The following PEX7 variants were observed in gnomAD, a reference collection of about 807,000 sequenced individuals.
The protein encoded by PEX7 is peroxisomal biogenesis factor 7, also known as PTS2 receptor.
In PEX7, 34 loss-of-function variants were observed where a neutral mutation model predicts 47.5. The observed-to-expected ratio is 0.72, with a 90% confidence interval of 0.54 to 0.95. The LOEUF is 0.95. PEX7 is among the 40% of genes least tolerant of loss of function. PEX7 has a pLI of 0.00. For synonymous variants in PEX7, 141 were observed against 148.8 expected, an observed-to-expected ratio of 0.95 and a Z score of 0.38; for missense variants, 394 against 400.3, an observed-to-expected ratio of 0.98 and a Z score of 0.13.
chr6:136,906,175 T>TGA (rs576578086), intron 9 of PEX7, among the ~76,000 whole-genome samples: 191 of 152,256 alleles, frequency 1.3e-3, no homozygotes, highest in Non-Finnish European at 1.8e-3. Context: ...AGGAGCAAGG[T>TGA]GAGAACTGCC....
intron 9 of PEX7, among the ~76,000 whole-genome samples, chr6:136,909,124 C>T (rs967019572): frequency 1.3e-5 from 2 of 152,124 alleles, no homozygotes; most frequent in African/African-American, 2.4e-5. Context: ...TGTTTATTGT[C>T]GTAACCTGTA....
At chr6:136,872,346 A>G in intron 8 of PEX7, 93 bp downstream of exon 8, 1 of 914,326 alleles carries the variant, frequency 1.1e-6, no homozygotes, top group Admixed American at 2.0e-5. Flanking sequence ...TACTCTTACT[A>G]ACATGAAAAT....
rs564478961 is a variant in PEX7, at chr6:136,848,960, G to A, written c.526+2779G>A. ...CCTCTTTATACCTCTGGTAGAATTC[G>A]GCTGTGAATCTGTCTGGTTCTGGAG... On this transcript the variant is annotated intron_variant, in intron 5 of 9. Transcript: ENST00000318471. 4.3e-4 allele frequency among the ~76,000 whole-genome samples: 66 copies of A among 152,212 alleles called. 1 individual carries two copies. Among genetic ancestry groups the A allele is most frequent in the Non-Finnish European group, 7.5e-4 (51 of 68,010 alleles).
At chr6:136,879,090 A>C (rs565806068) in intron 8 of PEX7, among the ~76,000 whole-genome samples, 176 of 151,836 alleles carry the variant, frequency 1.2e-3, no homozygotes, top group African/African-American at 3.4e-3. Context: ...TCCCTTTTCC[A>C]TCAAATTTTG....
At chr6:136,838,356 G>A (rs1213750164) in intron 3 of PEX7, among the ~76,000 whole-genome samples, 2 of 152,190 alleles carry the variant, frequency 1.3e-5, no homozygotes, top group African/African-American at 4.8e-5. Context: ...AAACATTTGG[G>A]ATAATCCAGA....
At chr6:136,883,925 T>C (rs1169324717) in intron 8 of PEX7, among the ~76,000 whole-genome samples, 1 of 152,044 alleles carries the variant, frequency 6.6e-6, no homozygotes, top group Non-Finnish European at 1.5e-5. Flanking sequence ...AGCAACATCA[T>C]TTTTTTTAGA....
At chr6:136,855,613 T>C (rs541379400) in intron 5 of PEX7, 4 of 219,518 alleles carry the variant, frequency 1.8e-5, no homozygotes, top group East Asian at 1.6e-4. Flanking sequence ...GTGCTGGGAG[T>C]ATAGGCATGA....
At chr6:136,871,018 TAA>T (rs1353170107) in intron 7 of PEX7, among the ~76,000 whole-genome samples, 3 of 152,192 alleles carry the variant, frequency 2.0e-5, no homozygotes, top group African/African-American at 7.2e-5. Flanking sequence ...AATTTTTAGT[TAA>T]GTTAATATTT....
chr6:136,882,128 T>TA (rs1775385675), intron 8 of PEX7, among the ~76,000 whole-genome samples: 1 of 151,866 alleles, frequency 6.6e-6, no homozygotes, highest in African/African-American at 2.4e-5. Flanking sequence ...AAGACGTTCT[T>TA]GAAAATACTA....
intron 9 of PEX7, 111 bp from the exon 10 acceptor site, chr6:136,913,347 T>C (rs755869043): frequency 5.6e-5 from 43 of 764,438 alleles, no homozygotes; most frequent in Non-Finnish European, 9.4e-5. Context: ...TTCAAAAATA[T>C]GTTTACTAGT....
At chr6:136,831,825 C>A (rs1001861103) in intron 3 of PEX7, among the ~76,000 whole-genome samples, 1 of 152,234 alleles carries the variant, frequency 6.6e-6, no homozygotes, top group Non-Finnish European at 1.5e-5. Flanking sequence ...GGGTAGGCTC[C>A]CATGGCCTTG....
At chr6:136,892,775 C>G (rs1471134977) in intron 8 of PEX7, among the ~76,000 whole-genome samples, 1 of 152,124 alleles carries the variant, frequency 6.6e-6, no homozygotes, top group Non-Finnish European at 1.5e-5. Flanking sequence ...ATGAATGAAA[C>G]AAGAAACATG....
At chr6:136,837,099 G>A (rs189996195) in intron 3 of PEX7, among the ~76,000 whole-genome samples, 32 of 152,216 alleles carry the variant, frequency 2.1e-4, no homozygotes, top group African/African-American at 6.7e-4. Context: ...CCGCGCTTAC[G>A]CCTGTAATCC....
intron 3 of PEX7, among the ~76,000 whole-genome samples, chr6:136,834,456 A>G (rs1335027228): frequency 2.0e-5 from 3 of 152,180 alleles, no homozygotes; most frequent in African/African-American, 4.8e-5. Context: ...GGCTCAAGCA[A>G]TCCACTTGCC....
At chr6:136,890,117 A>G (rs779392139) in intron 8 of PEX7, among the ~76,000 whole-genome samples, 3 of 152,222 alleles carry the variant, frequency 2.0e-5, no homozygotes, top group Admixed American at 1.3e-4. Context: ...GCAACACTAA[A>G]TATTCTAAAA....
intron 1 of PEX7, chr6:136,823,159 G>T (rs1774116008): frequency 1.0e-6 from 1 of 985,278 alleles, no homozygotes; most frequent in African/African-American, 1.7e-5. Context: ...GCTCGGCACA[G>T]CAGTACGGGG....
At chr6:136,864,764 C>T (rs1775027976) in intron 5 of PEX7, among the ~76,000 whole-genome samples, 1 of 152,140 alleles carries the variant, frequency 6.6e-6, no homozygotes, top group Admixed American at 6.5e-5. Context: ...ATGCTAGGTG[C>T]TTTACAGAAA....
intron 9 of PEX7, among the ~76,000 whole-genome samples, chr6:136,912,043 G>A (rs1775942092): frequency 6.6e-6 from 1 of 152,144 alleles, no homozygotes; most frequent in South Asian, 2.1e-4. Flanking sequence ...CCCTAATGAT[G>A]TTGAGCACTT....
At chr6:136,891,970 G>A (rs1346486778) in intron 8 of PEX7, among the ~76,000 whole-genome samples, 1 of 152,150 alleles carries the variant, frequency 6.6e-6, no homozygotes, top group African/African-American at 2.4e-5. Context: ...AGATCGTAAA[G>A]TAATAGGCCC....
Sources: gnomAD v4.1 joint callset for allele counts (sites outside exome capture counted in the v4.1 genomes callset) on GRCh38, gnomAD v4.1.1 for gene constraint, MANE v1.5 for transcripts, NCBI Gene and HGNC (gene_info 2026-07-23, HGNC 2026-07-21) for gene names.